Variants in NBN observed in about 807,000 individuals in gnomAD.
NBN encodes the protein nibrin.
NBN carries 88 observed loss-of-function variants against 90.8 expected under a neutral mutation model. The ratio of observed to expected loss-of-function variants is 0.97; its 90% CI spans 0.82 to 1.16. The LOEUF (loss-of-function observed/expected upper bound fraction) is 1.16. NBN is among the 50% of genes most tolerant of loss of function. The pLI, the probability that NBN is intolerant of heterozygous loss-of-function variation, is 0.00. For synonymous variants in NBN, 328 were observed against 295.1 expected (o/e 1.11, Z -1.14); for missense variants, 894 against 869.6 (o/e 1.03, Z -0.35).
chr8:89,953,641 A>G lies in NBN; in HGVS notation c.1448T>C (p.Ile483Thr), dbSNP rs876658347. The G allele has an allele frequency of 3.1e-6, 5 of 1,612,930 alleles. No individual in the cohort carries two copies. The highest frequency in any genetic ancestry group is 4.2e-6 in the Non-Finnish European group (5 of 1,179,572). ...TTCTAAAAGAGAACAAGACGTTTCT[A>G]TTCTTGCTGATTTGCATGAAGACAT... ...QEMSSCKSARIETSCSLLEQT... is the reference protein window; with the variant it reads ...QEMSSCKSARTETSCSLLEQT... Residue 483 changes from isoleucine to threonine, a missense_variant, in exon 11 of 16, where the codon ATA becomes ACA. Transcript: ENST00000265433.
intron 13 of NBN, among the ~76,000 whole-genome samples, chr8:89,945,251 G>A (rs887399046): frequency 9.2e-5 from 14 of 152,152 alleles, no homozygotes; most frequent in Non-Finnish European, 2.1e-4. Flanking sequence ...CAGATATAGG[G>A]TGAGAAAAAG....
At chr8:89,974,251 C>CTTTT (rs905605538) in intron 5 of NBN, among the ~76,000 whole-genome samples, 10 of 106,488 alleles carry the variant, frequency 9.4e-5, no homozygotes, top group African/African-American at 1.5e-4. Flanking sequence ...TACTATATGG[C>CTTTT]TTTTTTTTTT....
chr8:89,965,742 G>A (rs537594931), intron 7 of NBN, among the ~76,000 whole-genome samples: 6 of 151,904 alleles, frequency 3.9e-5, no homozygotes, highest in African/African-American at 9.7e-5. Flanking sequence ...CACCCTCCTC[G>A]GCCTCCCAAA....
rs13312952 is a variant in NBN at position 89,942,949 on chromosome 8, C to T, written c.2184+304G>A. 7.7e-3 allele frequency among the ~76,000 whole-genome samples: 1,167 copies of T among 152,142 alleles called. 17 individuals are homozygous for T. Among genetic ancestry groups the T allele is most frequent in the African/African-American group, 0.027 (1,125 of 41,492 alleles). ...CATTTAAGTGATATATTTGTAATAT[C>T]CTCCACATTCTTTTAGTTTCCCTTA... On this transcript the variant is annotated intron_variant, in intron 14 of 15. Coordinates refer to ENST00000265433, the MANE Select transcript of NBN (RefSeq NM_002485.5).
intron 14 of NBN, among the ~76,000 whole-genome samples, chr8:89,940,415 C>A (rs2130747902): frequency 6.6e-6 from 1 of 152,188 alleles, no homozygotes; most frequent in South Asian, 2.1e-4. Flanking sequence ...CACCATTGTG[C>A]CTGGCTGAAT....
Position 89,934,762 on chromosome 8 carries a change from G to A in NBN, c.*820C>T, listed in dbSNP as rs1809586998. 4.3e-6 allele frequency: 1 copy of A among 233,132 alleles called. No individual in the cohort carries two copies. Among genetic ancestry groups the A allele is most frequent in the Non-Finnish European group, 8.5e-6 (1 of 117,974 alleles). The allele number at this position is 233,132 out of a possible 1,614,324, so 14.4% of individuals were successfully genotyped here. Reference sequence around the variant, plus strand: ...TAAAGTTTGAAAAAAGACATTCATTGTTTCTTACCATCTCCCTTTAAGGTA... The same window carrying A: ...TAAAGTTTGAAAAAAGACATTCATTATTTCTTACCATCTCCCTTTAAGGTA... On this transcript the variant is annotated 3_prime_UTR_variant, in exon 16 of 16. Transcript: ENST00000265433.
chr8:89,943,461 C>A (rs1056079073), intron 13 of NBN, 95 bp from the exon 14 acceptor site: 21 of 1,231,634 alleles, frequency 1.7e-5, no homozygotes, highest in Non-Finnish European at 2.0e-5. Context: ...GTAAATCATG[C>A]ATAAGTGCCA....
At chr8:89,946,450 T>C (rs1363389613) in intron 12 of NBN, 155 bp from the exon 13 acceptor site, 4 of 671,204 alleles carry the variant, frequency 6.0e-6, no homozygotes, top group Admixed American at 5.6e-5. Context: ...TGGAATCAAA[T>C]TGTAGCTAAT....
chr8:89,957,715 T>TA (rs1810790954), intron 9 of NBN, among the ~76,000 whole-genome samples: 1 of 152,162 alleles, frequency 6.6e-6, no homozygotes, highest in Non-Finnish European at 1.5e-5. Flanking sequence ...GATACACAAA[T>TA]ACTTCCCATT....
chr8:89,982,000 T>C (rs1205479557), intron 2 of NBN: 3 of 1,172,414 alleles, frequency 2.6e-6, no homozygotes, highest in Non-Finnish European at 3.4e-6. Flanking sequence ...TGTTTTTCTA[T>C]ACCTAAAAGA....
intron 5 of NBN, among the ~76,000 whole-genome samples, chr8:89,977,184 T>C (rs1019194972): frequency 4.6e-5 from 7 of 152,268 alleles, no homozygotes; most frequent in Middle Eastern, 6.8e-3. Flanking sequence ...AAGACCCACA[T>C]GCATTAGGTA....
rs570914185 is a variant in NBN at position 89,953,234 on chromosome 8, T to C, written c.1845+10A>G. On this transcript the variant is annotated intron_variant, in intron 11 of 15. Coordinates refer to ENST00000265433, the MANE Select transcript of NBN (RefSeq NM_002485.5). ...TATGTACTATACCTCTCATTTAAAA[T>C]GTTACTTACAGATATTTTGCTACTT... is the stretch of plus-strand genomic sequence containing the variant. The C allele has an allele frequency of 7.0e-6, 11 of 1,565,574 alleles. No homozygotes were observed. The South Asian group carries it at 1.2e-4, about 17-fold the overall frequency.
intron 6 of NBN, 103 bp from the exon 7 acceptor site, chr8:89,970,660 G>GTGC: frequency 1.7e-6 from 2 of 1,165,652 alleles, no homozygotes; most frequent in South Asian, 1.3e-5. Context: ...AGAAGACTTG[G>GTGC]TGCTACTTCT....
intron 15 of NBN, among the ~76,000 whole-genome samples, chr8:89,936,819 G>C (rs986837235): frequency 6.6e-6 from 1 of 152,118 alleles, no homozygotes; most frequent in Non-Finnish European, 1.5e-5. Flanking sequence ...CAAATTTTAA[G>C]TATCTTATAA....
intron 2 of NBN, chr8:89,981,935 C>T (rs1586110012): frequency 1.8e-6 from 2 of 1,141,990 alleles, no homozygotes; most frequent in Non-Finnish European, 2.3e-6. Context: ...AGGTTATAGG[C>T]TAGTGTTTCT....
At chr8:89,965,259 A>G (rs13312889) in intron 7 of NBN, among the ~76,000 whole-genome samples, 2,046 of 152,312 alleles carry the variant, frequency 0.013, 40 homozygotes, top group African/African-American at 0.046. Flanking sequence ...TACCTAAGGT[A>G]TATCTATACA....
Position 89,984,661 on chromosome 8 carries a change from C to CGTGCGCGCTCCCGGGAG in NBN, c.-101_-100insCTCCCGGGAGCGCGCAC, listed in dbSNP as rs1812252159. On this transcript the variant is annotated 5_prime_UTR_variant, in exon 1 of 16. Coordinates refer to ENST00000265433, the MANE Select transcript of NBN (RefSeq NM_002485.5). ...CCTGCGGTCGGCATGGGCTCCGGGACGTGCGCGCTCCCGGGAGCCACGCAG... is the reference window on the plus strand; with the variant it reads ...CCTGCGGTCGGCATGGGCTCCGGGACGTGCGCGCTCCCGGGAGGTGCGCGCTCCCGGGAGCCACGCAG... The CGTGCGCGCTCCCGGGAG allele has an allele frequency of 6.5e-7, 1 of 1,541,388 alleles. No individual in the cohort carries two copies. The highest frequency in any genetic ancestry group is 1.4e-5 in the African/African-American group (1 of 72,850).
At chr8:89,973,629 G>A (rs923984831) in intron 5 of NBN, among the ~76,000 whole-genome samples, 1 of 152,164 alleles carries the variant, frequency 6.6e-6, no homozygotes, top group Non-Finnish European at 1.5e-5. Flanking sequence ...CCAGTGTAAT[G>A]ATGAGAGCAA....
chr8:89,943,219 T>G (rs749563310), intron 14 of NBN, 34 bp downstream of exon 14: 1 of 1,612,512 alleles, frequency 6.2e-7, no homozygotes, highest in Admixed American at 1.7e-5. Flanking sequence ...AAAGTGCAAT[T>G]TAAGCAAGTT....
Sources: gnomAD v4.1 joint callset for allele counts (sites outside exome capture counted in the v4.1 genomes callset) on GRCh38, gnomAD v4.1.1 for gene constraint, MANE v1.5 for transcripts, NCBI Gene and HGNC (gene_info 2026-07-23, HGNC 2026-07-21) for gene names.